AKAP6: variants seen among roughly 807,000 people sequenced by gnomAD.
AKAP6 encodes A-kinase anchor protein 6.
In AKAP6, 58 loss-of-function variants were observed where a neutral mutation model predicts 188.5. That is an observed-to-expected ratio of 0.31 (90% CI 0.25 to 0.38). AKAP6 has a LOEUF of 0.38. AKAP6 is among the 10% of genes least tolerant of loss of function. The probability of loss-of-function intolerance (pLI) is 1.00; values close to 1 mark genes in which losing one functional copy is unlikely to be tolerated. For missense variants in AKAP6, 2,710 were observed against 2,740.0 expected, an observed-to-expected ratio of 0.99 and a Z score of 0.24; for synonymous variants, 989 against 998.6, an observed-to-expected ratio of 0.99 and a Z score of 0.18.
At chr14:32,797,889 C>T (rs2033819541) in intron 12 of AKAP6, among the ~76,000 whole-genome samples, 1 of 141,776 alleles carries the variant, frequency 7.1e-6, no homozygotes, top group Non-Finnish European at 1.5e-5. Context: ...AAAAATTGAC[C>T]AATGGAACCT....
intron 12 of AKAP6, among the ~76,000 whole-genome samples, chr14:32,786,296 A>ATGTTTTTTTTGTTTTTTTTTTTTTTTTT: frequency 1.1e-5 from 1 of 93,706 alleles, no homozygotes; most frequent in Non-Finnish European, 2.1e-5. Flanking sequence ...CTAAACCTTT[A>ATGTTTTTTTTGTTTTTTTTTTTTTTTTT]TCTTTTTTTT....
At chr14:32,650,211 C>G (rs1187469767) in intron 7 of AKAP6, among the ~76,000 whole-genome samples, 1 of 152,134 alleles carries the variant, frequency 6.6e-6, no homozygotes, top group Non-Finnish European at 1.5e-5. Context: ...CAGTTTTAAC[C>G]TGTGCTGCTT....
At chr14:32,531,455 A>T (rs1429089436) in intron 2 of AKAP6, among the ~76,000 whole-genome samples, 1 of 152,236 alleles carries the variant, frequency 6.6e-6, no homozygotes, top group Non-Finnish European at 1.5e-5. Context: ...AATGAATTTT[A>T]TGTGTATTTT....
rs761675779 is a variant in AKAP6 at position 32,823,393 on chromosome 14, T to A, written c.5580T>A (p.Asn1860Lys). The A allele has an allele frequency of 4.3e-6, 7 of 1,613,614 alleles. No homozygotes were observed. The highest frequency in any genetic ancestry group is 1.1e-5 in the South Asian group (1 of 91,074). The change falls in exon 13 of 14, where the codon AAT (asparagine) becomes AAA (lysine). Residue 1860 changes from asparagine (N) to lysine (K), a missense_variant. Physicochemically the swap from Asn to Lys is moderately conservative, Grantham distance 94 (BLOSUM62 0). This residue lies in a region of AKAP6 where 2,473 missense variants were observed against 2,426.1 expected (regional missense o/e 1.02). Coordinates refer to ENST00000280979, the MANE Select transcript of AKAP6 (RefSeq NM_004274.5). ...CTGTAAAACGTGTCTCTGAAAATAA[T>A]GGAAATGGTAAGAATTCATCTCATA... The part of the protein sequence containing the change: ...NGSVKRVSEN[N>K]GNGKNSSHTH...
At chr14:32,352,547 C>T (rs2138452997) in intron 1 of AKAP6, among the ~76,000 whole-genome samples, 2 of 152,262 alleles carry the variant, frequency 1.3e-5, no homozygotes, top group Admixed American at 1.3e-4. Flanking sequence ...GACCAATCTC[C>T]CTCCATCTCT....
intron 1 of AKAP6, among the ~76,000 whole-genome samples, chr14:32,383,563 A>G (rs140683261): frequency 1.3e-3 from 204 of 152,340 alleles, no homozygotes; most frequent in Non-Finnish European, 1.6e-3. Context: ...GTGATGTAAC[A>G]TATATAAATT....
chr14:32,610,179 A>T lies in AKAP6; in HGVS notation c.2730+9387A>T, dbSNP rs150534871. Among the ~76,000 whole-genome samples, 663 of 152,210 alleles carry T rather than the reference A, an allele frequency of 4.4e-3. 3 individuals carry two copies. The highest frequency in any genetic ancestry group is 0.015 in the African/African-American group (639 of 41,534). On this transcript the variant is annotated intron_variant, in intron 7 of 13. Coordinates refer to ENST00000280979, the MANE Select transcript of AKAP6 (RefSeq NM_004274.5). The stretch of plus-strand genomic sequence containing the variant: ...TTACTTTCCCTTTACTGACAAAAAA[A>T]CTTAGGTTCCAAACGGAGTAGATAA...
At chr14:32,462,901 C>CAAAAAAA (rs71143943) in intron 2 of AKAP6, among the ~76,000 whole-genome samples, 18 of 8,836 alleles carry the variant, frequency 2.0e-3, no homozygotes, top group African/African-American at 5.8e-3. Context: ...AAATGGAAAG[C>CAAAAAAA]AAAAAAAAAA....
rs542599140 is a variant in AKAP6, at chr14:32,563,127, A to T, written c.2347-13993A>T. 2.0e-5 allele frequency among the ~76,000 whole-genome samples: 3 copies of T among 152,322 alleles called. No individual in the cohort carries two copies. In the South Asian group the frequency reaches 6.2e-4, roughly 32 times the overall value. On this transcript the variant is annotated intron_variant, in intron 4 of 13. Coordinates refer to ENST00000280979, the MANE Select transcript of AKAP6 (RefSeq NM_004274.5). ...TAGATGGAACTCCACAGTAAAGGAA[A>T]AGATACATTCATAGTAAGAGATTTC...
At chr14:32,667,593 G>A (rs1000412895) in intron 7 of AKAP6, among the ~76,000 whole-genome samples, 1 of 152,054 alleles carries the variant, frequency 6.6e-6, no homozygotes, top group Non-Finnish European at 1.5e-5. Context: ...GCAGCTCAAA[G>A]TCGAGATTCT....
intron 7 of AKAP6, among the ~76,000 whole-genome samples, chr14:32,669,077 G>A (rs1200862842): frequency 6.6e-6 from 1 of 152,098 alleles, no homozygotes; most frequent in East Asian, 1.9e-4. Flanking sequence ...CTACTATTAT[G>A]TAGTATAGTT....
chr14:32,384,933 A>C (rs1329500489), intron 1 of AKAP6: 6 of 152,098 alleles, frequency 3.9e-5, no homozygotes. Context: ...AAATTGATTC[A>C]ACTTATGGTA....
intron 12 of AKAP6, among the ~76,000 whole-genome samples, chr14:32,801,466 C>A (rs1337957185): frequency 6.6e-6 from 1 of 152,162 alleles, no homozygotes; most frequent in Non-Finnish European, 1.5e-5. Context: ...TTGCTGTCAT[C>A]ACTTTATTCA....
intron 1 of AKAP6, among the ~76,000 whole-genome samples, chr14:32,384,071 T>C (rs1338345241): frequency 6.6e-6 from 1 of 152,180 alleles, no homozygotes; most frequent in Non-Finnish European, 1.5e-5. Flanking sequence ...TGTACAGTGC[T>C]GGAATTAGGA....
chr14:32,386,485 A>C (rs1038624305), intron 1 of AKAP6, among the ~76,000 whole-genome samples: 9 of 151,828 alleles, frequency 5.9e-5, no homozygotes, highest in Admixed American at 2.0e-4. Flanking sequence ...GTTAGAGTTC[A>C]TTGTAGATTC....
chr14:32,420,001 T>C (rs539886903), intron 1 of AKAP6, among the ~76,000 whole-genome samples: 69 of 152,296 alleles, frequency 4.5e-4, no homozygotes, highest in Non-Finnish European at 8.1e-4. Context: ...AAATGCTCAA[T>C]GTACCTGAGA....
chr14:32,779,098 T>C (rs1211849710), intron 12 of AKAP6, among the ~76,000 whole-genome samples: 1 of 151,946 alleles, frequency 6.6e-6, no homozygotes, highest in East Asian at 1.9e-4. Context: ...ATGTTGCCTA[T>C]GAGAAACCCA....
intron 7 of AKAP6, among the ~76,000 whole-genome samples, chr14:32,645,040 C>T (rs1335301876): frequency 2.0e-5 from 3 of 152,170 alleles, no homozygotes; most frequent in African/African-American, 7.2e-5. Context: ...CTTCTATCAT[C>T]TTTGCTATAA....
chr14:32,729,690 G>A (rs1017056034), intron 9 of AKAP6, among the ~76,000 whole-genome samples: 3 of 152,138 alleles, frequency 2.0e-5, no homozygotes, highest in Non-Finnish European at 2.9e-5. Flanking sequence ...GGCCTTTCAA[G>A]AGAGTATATT....
Sources: gnomAD v4.1 joint callset for allele counts (sites outside exome capture counted in the v4.1 genomes callset) on GRCh38, gnomAD v4.1.1 for gene constraint, gnomAD v4.1.1 regional missense constraint, MANE v1.5 for transcripts, NCBI Gene and HGNC (gene_info 2026-07-23, HGNC 2026-07-21) for gene names.